CUX1: variants seen among roughly 807,000 people sequenced by gnomAD.
CUX1 encodes cut like homeobox 1.
Under a neutral mutation model 158.8 loss-of-function variants are expected in CUX1, and 31 were observed. The ratio of observed to expected loss-of-function variants is 0.20; its 90% CI spans 0.15 to 0.26. The LOEUF is 0.26. CUX1 is among the 10% of genes least tolerant of loss of function. The probability of loss-of-function intolerance (pLI) is 1.00; values close to 1 mark genes in which losing one functional copy is unlikely to be tolerated. For synonymous variants in CUX1, 879 were observed against 862.1 expected, an observed-to-expected ratio of 1.02 and a Z score of -0.34; for missense variants, 1,589 against 2,014.6, an observed-to-expected ratio of 0.79 and a Z score of 4.04.
At chr7:101,872,333 C>T (rs947125441) in intron 1 of CUX1, among the ~76,000 whole-genome samples, 14 of 151,882 alleles carry the variant, frequency 9.2e-5, no homozygotes, top group Non-Finnish European at 1.5e-4. Flanking sequence ...GGGGTTTCAC[C>T]ATGTTGGCCA....
At chr7:101,905,502 G>T (rs1444572453) in intron 1 of CUX1, among the ~76,000 whole-genome samples, 1 of 152,128 alleles carries the variant, frequency 6.6e-6, no homozygotes, top group Admixed American at 6.5e-5. Context: ...TGTTCACGCT[G>T]GTCCCTTGGA....
chr7:101,892,475 T>C (rs1046573549), intron 1 of CUX1, among the ~76,000 whole-genome samples: 2 of 152,154 alleles, frequency 1.3e-5, no homozygotes, highest in African/African-American at 4.8e-5. Context: ...AGGACAGAAA[T>C]TGCCACTTCA....
At chr7:102,170,628 T>G in intron 10 of CUX1, 78 bp downstream of exon 10, 2 of 973,960 alleles carry the variant, frequency 2.1e-6, no homozygotes, top group South Asian at 3.1e-5. Context: ...TGCTCCTTTT[T>G]GTTTTCAGCA....
intron 2 of CUX1, among the ~76,000 whole-genome samples, chr7:101,957,558 TAAAA>T (rs1203079178): frequency 6.6e-6 from 1 of 152,016 alleles, no homozygotes; most frequent in Non-Finnish European, 1.5e-5. Context: ...CCGTCTCTAC[TAAAA>T]ATACAATAAA....
chr7:102,010,122 C>T (rs890717609), intron 2 of CUX1, among the ~76,000 whole-genome samples: 1 of 151,728 alleles, frequency 6.6e-6, no homozygotes, highest in African/African-American at 2.4e-5. Flanking sequence ...CAGCTGGGTG[C>T]GGTGGCTCAT....
chr7:102,062,484 G>A (rs932148645), intron 3 of CUX1, among the ~76,000 whole-genome samples: 1 of 152,162 alleles, frequency 6.6e-6, no homozygotes, highest in African/African-American at 2.4e-5. Context: ...TTGAGAGCTA[G>A]ATTAAAATAC....
At chr7:102,055,905 GA>G (rs1214660984) in intron 3 of CUX1, among the ~76,000 whole-genome samples, 2 of 152,138 alleles carry the variant, frequency 1.3e-5, no homozygotes, top group Admixed American at 1.3e-4. Flanking sequence ...TGAATGATAA[GA>G]AAGCCTTATT....
chr7:102,252,830 T>A lies in CUX1; in HGVS notation c.*3788T>A. 1.0e-6 allele frequency: 1 copy of A among 985,444 alleles called. No individual in the cohort carries two copies. Among genetic ancestry groups the A allele is most frequent in the South Asian group, 4.7e-5 (1 of 21,288 alleles). 61.0% of individuals were successfully genotyped at this position (985,444 alleles called of 1,614,324 possible). Reference sequence around the variant, plus strand: ...CCAGACCTCTCTTTAGAAAGGGTTATCAGAGCCATGGAGCTTAGCTCAATT... The same window carrying A: ...CCAGACCTCTCTTTAGAAAGGGTTAACAGAGCCATGGAGCTTAGCTCAATT... On this transcript the variant is annotated 3_prime_UTR_variant, in exon 24 of 24. Coordinates refer to ENST00000292535, the MANE Select transcript of CUX1 (RefSeq NM_181552.4).
At chr7:102,219,345 G>A (rs1797583991) in intron 20 of CUX1, among the ~76,000 whole-genome samples, 1 of 151,978 alleles carries the variant, frequency 6.6e-6, no homozygotes. Context: ...GTTCCTCTGA[G>A]GCATCTTCCC....
At position 102,249,330 on chromosome 7, in the gene CUX1, C is replaced by G. The variant is rs1363570019; in HGVS notation, c.*288C>G. 9.8e-7 allele frequency: 1 copy of G among 1,019,168 alleles called. No individual in the cohort carries two copies. The highest frequency in any genetic ancestry group is 1.2e-6 in the Non-Finnish European group (1 of 851,342). 63.1% of individuals were successfully genotyped at this position (1,019,168 alleles called of 1,614,324 possible). On this transcript the variant is annotated 3_prime_UTR_variant, in exon 24 of 24. Transcript: ENST00000292535. Reference sequence around the variant, plus strand: ...CAGCCCGCGGCCTGGACCCCTGGACCGCTTTGCGCACTTACCGCCCTGCGG... The same window carrying G: ...CAGCCCGCGGCCTGGACCCCTGGACGGCTTTGCGCACTTACCGCCCTGCGG...
chr7:102,210,889 C>T (rs1331208725), intron 20 of CUX1, among the ~76,000 whole-genome samples: 3 of 152,174 alleles, frequency 2.0e-5, no homozygotes, highest in African/African-American at 2.4e-5. Flanking sequence ...GCCCCTATCG[C>T]GGACAGGTCC....
At chr7:102,049,588 A>G (rs1823241186) in intron 3 of CUX1, among the ~76,000 whole-genome samples, 1 of 152,074 alleles carries the variant, frequency 6.6e-6, no homozygotes. Flanking sequence ...CTGTAATCCC[A>G]GGTGTGATGG....
At chr7:101,948,231 A>G (rs1024676399) in intron 2 of CUX1, among the ~76,000 whole-genome samples, 1 of 152,154 alleles carries the variant, frequency 6.6e-6, no homozygotes, top group Non-Finnish European at 1.5e-5. Flanking sequence ...TTTTTGTCCT[A>G]TTCTATTACG....
chr7:101,995,539 A>G (rs1489300503), intron 2 of CUX1, among the ~76,000 whole-genome samples: 2 of 152,254 alleles, frequency 1.3e-5, no homozygotes, highest in African/African-American at 2.4e-5. Flanking sequence ...GAACTTAGCA[A>G]TGTACTTGGG....
chr7:101,979,018 G>A (rs1471570635), intron 2 of CUX1, among the ~76,000 whole-genome samples: 2 of 152,182 alleles, frequency 1.3e-5, no homozygotes, highest in Non-Finnish European at 2.9e-5. Flanking sequence ...AAATTACTGG[G>A]GCCAGAGGGG....
chr7:102,251,930 CA>C lies in CUX1; in HGVS notation c.*2889del. ...AAACAGTAACAGTCTAAAATGCAGTCATTTTGACCCTCCCAAGCAATTTAGT... is the reference window on the plus strand; with the variant it reads ...AAACAGTAACAGTCTAAAATGCAGTCTTTTGACCCTCCCAAGCAATTTAGT... On this transcript the variant is annotated 3_prime_UTR_variant, in exon 24 of 24. Transcript: ENST00000292535. The C allele has an allele frequency of 1.0e-6, 1 of 985,340 alleles. No individual in the cohort carries two copies. Among genetic ancestry groups the C allele is most frequent in the Non-Finnish European group, 1.2e-6 (1 of 829,918 alleles). 61.0% of individuals were successfully genotyped at this position (985,340 alleles called of 1,614,324 possible). A position where few individuals can be genotyped will look rare whatever the true frequency, so the allele number is the denominator to read the frequency against.
rs1335418233 is a variant in CUX1 at position 102,255,376 on chromosome 7, G to GA, written c.*6339dup. On this transcript the variant is annotated 3_prime_UTR_variant, in exon 24 of 24. Coordinates refer to ENST00000292535, the MANE Select transcript of CUX1 (RefSeq NM_181552.4). ...ACTTTAAAAGTTGGGCATTGTAGGC[G>GA]AAAAATCCCAAAAAAAAAAAAAGAC... 45 of 874,306 alleles carry GA rather than the reference G, an allele frequency of 5.1e-5. No homozygotes were observed. The highest frequency in any genetic ancestry group is 3.9e-5 in the African/African-American group (1 of 25,394). The allele number at this position is 874,306 out of a possible 1,614,324, so 54.2% of individuals were successfully genotyped here.
intron 4 of CUX1, among the ~76,000 whole-genome samples, chr7:102,093,804 G>A (rs558760708): frequency 2.0e-5 from 3 of 152,272 alleles, no homozygotes; most frequent in African/African-American, 4.8e-5. Context: ...CAAGATTGTC[G>A]CATTGGGTGG....
At chr7:102,012,697 A>G (rs1818169619) in intron 2 of CUX1, among the ~76,000 whole-genome samples, 1 of 91,830 alleles carries the variant, frequency 1.1e-5, no homozygotes, top group African/African-American at 4.8e-5. Context: ...TGTCCTGGAG[A>G]GTGGGGGCGG....
Sources: allele counts gnomAD v4.1 joint callset (sites outside exome capture counted in the v4.1 genomes callset), GRCh38; gene constraint gnomAD v4.1.1; transcripts MANE v1.5; gene names NCBI Gene and HGNC (gene_info 2026-07-23, HGNC 2026-07-21).